KCNH5: variants seen among roughly 807,000 people sequenced by gnomAD.
KCNH5 encodes the protein potassium voltage-gated channel subfamily H member 5, also known as voltage-gated delayed rectifier potassium channel KCNH5.
KCNH5 carries 46 observed loss-of-function variants against 96.1 expected under a neutral mutation model. That is an observed-to-expected ratio of 0.48 (90% CI 0.38 to 0.61). KCNH5 has a LOEUF of 0.61. Among genes scored for constraint, KCNH5 ranks in the 20% least tolerant of loss-of-function variants. The probability of loss-of-function intolerance (pLI) is 0.00; values close to 1 mark genes in which losing one functional copy is unlikely to be tolerated. For synonymous variants in KCNH5, 439 were observed against 449.8 expected (o/e 0.98, Z 0.30); for missense variants, 907 against 1,225.8 (o/e 0.74, Z 3.88).
intron 6 of KCNH5, among the ~76,000 whole-genome samples, chr14:62,971,843 T>C (rs1216715424): frequency 6.6e-6 from 1 of 151,896 alleles, no homozygotes; most frequent in African/African-American, 2.4e-5. Flanking sequence ...CCTACACCCT[T>C]CACAAAATTT....
At chr14:62,901,044 A>G (rs948782438) in intron 7 of KCNH5, among the ~76,000 whole-genome samples, 1 of 152,018 alleles carries the variant, frequency 6.6e-6, no homozygotes, top group Non-Finnish European at 1.5e-5. Context: ...GCTGGAGTGC[A>G]GTGGCATGAT....
chr14:62,802,784 T>C (rs1017684324), intron 8 of KCNH5, among the ~76,000 whole-genome samples: 2 of 152,140 alleles, frequency 1.3e-5, no homozygotes, highest in Non-Finnish European at 2.9e-5. Flanking sequence ...CTGATGAGCA[T>C]ATGGACCATG....
chr14:62,709,103 G>T (rs1377934739), intron 10 of KCNH5, among the ~76,000 whole-genome samples: 1 of 151,052 alleles, frequency 6.6e-6, no homozygotes, highest in Non-Finnish European at 1.5e-5. Flanking sequence ...CGCAGTGGCG[G>T]GCGCCTGTAG....
chr14:62,757,187 T>C (rs1885642004), intron 10 of KCNH5, among the ~76,000 whole-genome samples: 1 of 152,270 alleles, frequency 6.6e-6, no homozygotes, highest in Non-Finnish European at 1.5e-5. Flanking sequence ...AATAGGTGTA[T>C]TAAAAGCTGA....
intron 9 of KCNH5, among the ~76,000 whole-genome samples, chr14:62,790,934 C>A (rs1886421263): frequency 6.6e-6 from 1 of 151,724 alleles, no homozygotes; most frequent in South Asian, 2.1e-4. Context: ...GATAATTTTA[C>A]TTTTTTCTTT....
chr14:62,971,581 G>A (rs541447991), intron 6 of KCNH5, among the ~76,000 whole-genome samples: 1 of 152,008 alleles, frequency 6.6e-6, no homozygotes, highest in Non-Finnish European at 1.5e-5. Flanking sequence ...CAAGTCAGAA[G>A]ACTGATGCTA....
chr14:62,973,748 G>T (rs1239061695), intron 6 of KCNH5, among the ~76,000 whole-genome samples: 1 of 152,190 alleles, frequency 6.6e-6, no homozygotes, highest in Admixed American at 6.5e-5. Context: ...GAAAAATTAG[G>T]TATATCCTAG....
intron 1 of KCNH5, among the ~76,000 whole-genome samples, chr14:63,038,497 C>T (rs1891764799): frequency 1.3e-5 from 2 of 152,002 alleles, no homozygotes; most frequent in African/African-American, 4.8e-5. Context: ...GGGACCAGAC[C>T]CAAAGAGAGA....
intron 1 of KCNH5, among the ~76,000 whole-genome samples, chr14:63,036,302 T>C (rs1423043660): frequency 6.6e-6 from 1 of 152,182 alleles, no homozygotes; most frequent in Admixed American, 6.5e-5. Context: ...TGTCTTAAGA[T>C]GAGTCAGTAT....
At chr14:62,894,055 C>T (rs1888763011) in intron 7 of KCNH5, among the ~76,000 whole-genome samples, 1 of 152,086 alleles carries the variant, frequency 6.6e-6, no homozygotes, top group Non-Finnish European at 1.5e-5. Flanking sequence ...CATTTTTTAG[C>T]AAGAAAGCAT....
chr14:63,034,768 C>G (rs1301715014), intron 1 of KCNH5, among the ~76,000 whole-genome samples: 1 of 152,116 alleles, frequency 6.6e-6, no homozygotes, highest in African/African-American at 2.4e-5. Context: ...TACAGTGGTT[C>G]AAAATGCATG....
chr14:62,910,442 G>T (rs1889127435), intron 7 of KCNH5, among the ~76,000 whole-genome samples: 1 of 151,900 alleles, frequency 6.6e-6, no homozygotes, highest in Non-Finnish European at 1.5e-5. Context: ...CATTACACAA[G>T]ATTTTCACTT....
At chr14:62,726,729 G>T (rs2139919320) in intron 10 of KCNH5, among the ~76,000 whole-genome samples, 1 of 152,262 alleles carries the variant, frequency 6.6e-6, no homozygotes, top group Admixed American at 6.5e-5. Context: ...ACACACTATA[G>T]ATTCAGCAAT....
intron 7 of KCNH5, among the ~76,000 whole-genome samples, chr14:62,872,557 G>A (rs1052706513): frequency 8.5e-5 from 13 of 152,096 alleles, no homozygotes; most frequent in Non-Finnish European, 1.6e-4. Context: ...GCTGGGCGTG[G>A]TGGCATGTGC....
intron 7 of KCNH5, among the ~76,000 whole-genome samples, chr14:62,863,582 A>C (rs1425574093): frequency 6.6e-6 from 1 of 152,186 alleles, no homozygotes; most frequent in Non-Finnish European, 1.5e-5. Flanking sequence ...GCCTCTACCA[A>C]GTATAGATTA....
rs568814035 is a variant in KCNH5 at position 62,799,374 on chromosome 14, C to T, written c.1822+2955G>A. 8.6e-5 allele frequency among the ~76,000 whole-genome samples: 13 copies of T among 151,556 alleles called. No homozygotes were observed. In the East Asian group the frequency reaches 1.9e-3, roughly 23 times the overall value. Reference sequence around the variant, plus strand: ...GGTGGATCACCTGAGGTCAGGAGTTCGAGACCAGCCTCAACATGGAGAAAC... The same window carrying T: ...GGTGGATCACCTGAGGTCAGGAGTTTGAGACCAGCCTCAACATGGAGAAAC... On this transcript the variant is annotated intron_variant, in intron 9 of 10. Transcript: ENST00000322893.
At chr14:62,930,381 C>T (rs1235512677) in intron 7 of KCNH5, among the ~76,000 whole-genome samples, 1 of 152,084 alleles carries the variant, frequency 6.6e-6, no homozygotes, top group Non-Finnish European at 1.5e-5. Flanking sequence ...AACAGGGAGA[C>T]ATTTTATTTT....
chr14:62,951,112 C>T (rs1889997381), intron 6 of KCNH5, among the ~76,000 whole-genome samples: 1 of 152,166 alleles, frequency 6.6e-6, no homozygotes, highest in Non-Finnish European at 1.5e-5. Flanking sequence ...CTACCTCCTG[C>T]CACAATCATG....
At chr14:62,877,140 T>C (rs996355297) in intron 7 of KCNH5, among the ~76,000 whole-genome samples, 2 of 152,044 alleles carry the variant, frequency 1.3e-5, no homozygotes, top group South Asian at 2.1e-4. Flanking sequence ...TGGCTAGCCA[T>C]ATGTAGAAAG....
Sources: allele counts gnomAD v4.1 joint callset (sites outside exome capture counted in the v4.1 genomes callset), GRCh38; gene constraint gnomAD v4.1.1; transcripts MANE v1.5; gene names NCBI Gene and HGNC (gene_info 2026-07-23, HGNC 2026-07-21).